The following CACNA1E variants were observed in gnomAD, a reference collection of about 807,000 sequenced individuals.
CACNA1E encodes the protein voltage-dependent R-type calcium channel subunit alpha-1E.
In CACNA1E, 40 loss-of-function variants were observed where a neutral mutation model predicts 259.2. The ratio of observed to expected loss-of-function variants is 0.15; its 90% CI spans 0.12 to 0.20. The LOEUF is 0.20. CACNA1E is among the 10% of genes least tolerant of loss of function. The pLI is 1.00. For missense variants in CACNA1E, 1,874 were observed against 3,040.1 expected, an observed-to-expected ratio of 0.62 and a Z score of 9.02; for synonymous variants, 1,104 against 1,138.5, an observed-to-expected ratio of 0.97 and a Z score of 0.61.
At chr1:181,763,630 G>A (rs561406933) in intron 34 of CACNA1E, 99 bp downstream of exon 34, 10 of 875,336 alleles carry the variant, frequency 1.1e-5, no homozygotes, top group Non-Finnish European at 1.5e-5. Flanking sequence ...CCTCTGGGAA[G>A]CTGAAGCTAG....
At chr1:181,553,169 T>C (rs1648359345) in intron 3 of CACNA1E, among the ~76,000 whole-genome samples, 1 of 152,224 alleles carries the variant, frequency 6.6e-6, no homozygotes, top group South Asian at 2.1e-4. Flanking sequence ...TGTACTTTCT[T>C]ATTTCCTTGA....
In CACNA1E at chr1:181,393,596, A is replaced by G. The variant is rs537771030; in HGVS notation, c.-14-19537A>G. Among the ~76,000 whole-genome samples the G allele has an allele frequency of 1.2e-4, 19 of 152,274 alleles. No homozygotes were observed. In the East Asian group the frequency reaches 3.5e-3, roughly 28 times the overall value. On this transcript the variant is annotated intron_variant, in intron 1 of 11. Coordinates refer to the CACNA1E transcript ENST00000524607. ...CCTCACTTCCTGAGTAGCTGGGACC[A>G]CAGGCACATGCCACCAGGTCCAGCT... is the stretch of plus-strand genomic sequence containing the variant.
intron 25 of CACNA1E, among the ~76,000 whole-genome samples, chr1:181,748,129 A>AT (rs141556496): frequency 0.012 from 1,790 of 151,508 alleles, 31 homozygotes; most frequent in African/African-American, 0.039. Flanking sequence ...GACTAATTTT[A>AT]TTTTTTTTTA....
intron 2 of CACNA1E, among the ~76,000 whole-genome samples, chr1:181,472,308 T>A (rs979541727): frequency 6.6e-6 from 1 of 152,106 alleles, no homozygotes; most frequent in Non-Finnish European, 1.5e-5. Context: ...AGATCTAATG[T>A]GGGGCATGTG....
intron 1 of CACNA1E, among the ~76,000 whole-genome samples, chr1:181,501,402 ACTTC>A (rs1157667238): frequency 1.3e-5 from 2 of 152,210 alleles, no homozygotes; most frequent in Admixed American, 1.3e-4. Context: ...AATCATGTGC[ACTTC>A]CTTTCAGCCA....
At chr1:181,667,146 A>G (rs1328192110) in intron 7 of CACNA1E, among the ~76,000 whole-genome samples, 1 of 152,196 alleles carries the variant, frequency 6.6e-6, no homozygotes, top group Non-Finnish European at 1.5e-5. Flanking sequence ...GATTGATTAT[A>G]TAGAGGATTC....
At chr1:181,599,017 C>T (rs879366376) in intron 6 of CACNA1E, among the ~76,000 whole-genome samples, 3 of 151,914 alleles carry the variant, frequency 2.0e-5, no homozygotes, top group South Asian at 2.1e-4. Flanking sequence ...CATAGGTAAA[C>T]GTATGCCATG....
chr1:181,726,581 G>A lies in CACNA1E; in HGVS notation c.2240+419G>A, dbSNP rs889837679. ...TGTGACTGGTGTGTAATTAATGAGG[G>A]GAAATAGAGAAAGGGCCAGGGAGGG... is the stretch of plus-strand genomic sequence containing the variant. On this transcript the variant is annotated intron_variant, in intron 18 of 47. Coordinates refer to ENST00000367573, the MANE Select transcript of CACNA1E (RefSeq NM_001205293.3). 2.6e-5 allele frequency among the ~76,000 whole-genome samples: 4 copies of A among 152,122 alleles called. No homozygotes were observed. The South Asian group carries it at 8.3e-4, about 32-fold the overall frequency.
At chr1:181,341,591 A>C (rs1365260547) in intron 1 of CACNA1E, among the ~76,000 whole-genome samples, 1 of 152,198 alleles carries the variant, frequency 6.6e-6, no homozygotes, top group East Asian at 1.9e-4. Flanking sequence ...CAAGGGGCAC[A>C]CAGCCCTCTA....
At chr1:181,644,205 G>T (rs1220066432) in intron 6 of CACNA1E, among the ~76,000 whole-genome samples, 3 of 151,598 alleles carry the variant, frequency 2.0e-5, no homozygotes, top group Non-Finnish European at 4.4e-5. Context: ...GGGTAGGATT[G>T]CTTTTAAGAG....
intron 1 of CACNA1E, among the ~76,000 whole-genome samples, chr1:181,369,975 C>T (rs1654559173): frequency 6.6e-6 from 1 of 152,176 alleles, no homozygotes; most frequent in African/African-American, 2.4e-5. Context: ...CTCAAGTAGG[C>T]CCTGGTGTCT....
intron 25 of CACNA1E, among the ~76,000 whole-genome samples, chr1:181,743,837 T>C (rs1656810588): frequency 6.6e-6 from 1 of 152,230 alleles, no homozygotes; most frequent in Non-Finnish European, 1.5e-5. Context: ...AGCTTATAAT[T>C]GATCGTCAGC....
intron 2 of CACNA1E, among the ~76,000 whole-genome samples, chr1:181,475,986 C>A (rs1161709587): frequency 6.6e-6 from 1 of 152,024 alleles, no homozygotes; most frequent in Non-Finnish European, 1.5e-5. Context: ...GGGACAGACC[C>A]ATGGGTGCCC....
In CACNA1E at chr1:181,757,970, C is replaced by G. The variant is rs775005495; in HGVS notation, c.4353C>G (p.Ile1451Met). The change falls in exon 31 of 48, where the codon ATC becomes ATG. Residue 1451 changes from isoleucine (I) to methionine (M), a missense_variant. By Grantham distance (10) the Ile-to-Met change is conservative. Around this residue, in one of 14 missense-constraint regions of CACNA1E, gnomAD observed 188 missense variants for 540.6 expected, o/e 0.35. Coordinates refer to ENST00000367573, the MANE Select transcript of CACNA1E (RefSeq NM_001205293.3). ...AGAGGGCGTGCATCGACTTCGCCATCAGCGCCAAACCTCTCACCCGCTACA... is the reference window on the plus strand; with the variant it reads ...AGAGGGCGTGCATCGACTTCGCCATGAGCGCCAAACCTCTCACCCGCTACA... ...KNERACIDFA[I>M]SAKPLTRYMP... The G allele has an allele frequency of 6.2e-7, 1 of 1,614,022 alleles. No homozygotes were observed. Among genetic ancestry groups the G allele is most frequent in the South Asian group, 1.1e-5 (1 of 91,080 alleles).
At chr1:181,594,261 A>G (rs1478133124) in intron 6 of CACNA1E, among the ~76,000 whole-genome samples, 1 of 152,082 alleles carries the variant, frequency 6.6e-6, no homozygotes, top group East Asian at 1.9e-4. Flanking sequence ...TTCTAGTGAT[A>G]CTGAGATTTT....
chr1:181,364,881 C>G (rs1449375570), intron 1 of CACNA1E, among the ~76,000 whole-genome samples: 1 of 152,190 alleles, frequency 6.6e-6, no homozygotes, highest in Non-Finnish European at 1.5e-5. Context: ...GGGCAGGAGG[C>G]TTTTCCTGCT....
At chr1:181,679,491 G>A (rs1283958724) in intron 7 of CACNA1E, among the ~76,000 whole-genome samples, 1 of 152,228 alleles carries the variant, frequency 6.6e-6, no homozygotes, top group Non-Finnish European at 1.5e-5. Flanking sequence ...CAGCCAGGGG[G>A]CAGATAAGGA....
In CACNA1E at chr1:181,801,884, G is replaced by A. The variant is rs1662299601; in HGVS notation, c.*3050G>A. 6.6e-6 allele frequency: 1 copy of A among 152,158 alleles called. No homozygotes were observed. The highest frequency in any genetic ancestry group is 2.1e-4 in the South Asian group (1 of 4,832). The allele number at this position is 152,158 out of a possible 1,614,324, so 9.4% of individuals were successfully genotyped here. On this transcript the variant is annotated 3_prime_UTR_variant, in exon 48 of 48. Transcript: ENST00000367573. ...CGTCTTCACCATCTCCTCAAAACAA[G>A]AGCAAAGCCAAGATAGAGGAAGGTA...
At position 181,685,179 on chromosome 1, in the gene CACNA1E, ATTT is replaced by A. The variant is rs35187833; in HGVS notation, c.1056-25760_1056-25758del. ...CCAGGAGCATGCTTACAAAGGAAAC[ATTT>A]TTTTTTTTTTTTTTGCCTTGCCTAG... On this transcript the variant is annotated intron_variant, in intron 7 of 47. Transcript: ENST00000367573. Among the ~76,000 whole-genome samples the A allele has an allele frequency of 4.8e-3, 525 of 110,180 alleles. 5 individuals carry two copies. Among genetic ancestry groups the A allele is most frequent in the African/African-American group, 0.016 (466 of 29,220 alleles). The allele number at this position is 110,180 out of a possible 152,430, so 72.3% of individuals were successfully genotyped here.
Sources: allele counts gnomAD v4.1 joint callset (sites outside exome capture counted in the v4.1 genomes callset), GRCh38; gene constraint gnomAD v4.1.1; regional missense constraint gnomAD v4.1.1; transcripts MANE v1.5; gene names NCBI Gene and HGNC (gene_info 2026-07-23, HGNC 2026-07-21).